Variants in DGKI observed in about 807,000 individuals in gnomAD.
DGKI encodes the protein diacylglycerol kinase iota.
A neutral mutation model predicts 147.5 loss-of-function variants in DGKI; 55 were observed. The observed-to-expected ratio is 0.37, with a 90% confidence interval of 0.30 to 0.47. DGKI has a LOEUF of 0.47. Among genes scored for constraint, DGKI ranks in the 20% least tolerant of loss-of-function variants. DGKI has a pLI of 1.00. For synonymous variants in DGKI, 469 were observed against 477.1 expected (o/e 0.98, Z 0.22); for missense variants, 1,007 against 1,323.8 (o/e 0.76, Z 3.71).
Position 137,576,803 on chromosome 7 carries a change from A to C in DGKI, c.1761+419T>G, listed in dbSNP as rs574875594. On this transcript the variant is annotated intron_variant, in intron 17 of 32. Transcript: ENST00000614521. ...TATCCTCCTCAGATTATCCTGGAATAAAGATACTTGTTTGGAGAGTACCGA... is the reference window on the plus strand; with the variant it reads ...TATCCTCCTCAGATTATCCTGGAATCAAGATACTTGTTTGGAGAGTACCGA... Among the ~76,000 whole-genome samples, 380 of 152,340 alleles carry C rather than the reference A, an allele frequency of 2.5e-3. 1 individual carries two copies. The highest frequency in any genetic ancestry group is 8.9e-3 in the African/African-American group (368 of 41,580).
At chr7:137,474,229 C>T (rs570381730) in intron 23 of DGKI, among the ~76,000 whole-genome samples, 26 of 152,234 alleles carry the variant, frequency 1.7e-4, no homozygotes, top group African/African-American at 5.8e-4. Context: ...ACAAAAGCAT[C>T]AAGTCTCAAA....
chr7:137,635,914 G>A (rs962986466), intron 6 of DGKI, among the ~76,000 whole-genome samples: 2 of 152,138 alleles, frequency 1.3e-5, no homozygotes, highest in African/African-American at 4.8e-5. Context: ...ATCCCATGAC[G>A]GTGAATTTCT....
chr7:137,670,791 C>G, intron 3 of DGKI, among the ~76,000 whole-genome samples: 1 of 152,310 alleles, frequency 6.6e-6, no homozygotes, highest in East Asian at 1.9e-4. Context: ...GCACCCAGCT[C>G]AGCCAAACTG....
At chr7:137,531,947 C>G (rs1280254440) in intron 20 of DGKI, among the ~76,000 whole-genome samples, 1 of 151,938 alleles carries the variant, frequency 6.6e-6, no homozygotes, top group Non-Finnish European at 1.5e-5. Context: ...ATTTGAGTGT[C>G]TATGTGTAAC....
In DGKI at chr7:137,385,586, C is replaced by A. The variant is rs1473357179; in HGVS notation, c.*5634G>T. On this transcript the variant is annotated 3_prime_UTR_variant, in exon 33 of 33. Coordinates refer to ENST00000614521, the MANE Select transcript of DGKI (RefSeq NM_001321708.2). ...CTTCTTTATATTTAGTCAAAACCCACTGAAAACTCTGCTTATTTTTCCTAG... is the reference window on the plus strand; with the variant it reads ...CTTCTTTATATTTAGTCAAAACCCAATGAAAACTCTGCTTATTTTTCCTAG... The A allele has an allele frequency of 6.6e-6, 1 of 152,114 alleles. No homozygotes were observed. The highest frequency in any genetic ancestry group is 1.5e-5 in the Non-Finnish European group (1 of 68,002). The allele number at this position is 152,114 out of a possible 1,614,324, so 9.4% of individuals were successfully genotyped here. A position where few individuals can be genotyped will look rare whatever the true frequency, so the allele number is the denominator to read the frequency against.
intron 19 of DGKI, among the ~76,000 whole-genome samples, chr7:137,570,364 G>A (rs1818750849): frequency 6.6e-6 from 1 of 152,024 alleles, no homozygotes; most frequent in Non-Finnish European, 1.5e-5. Context: ...AAAATACAAG[G>A]TGATCTCAAT....
chr7:137,628,826 ACTT>A (rs1290371722), intron 6 of DGKI, among the ~76,000 whole-genome samples: 3 of 152,108 alleles, frequency 2.0e-5, no homozygotes, highest in Non-Finnish European at 2.9e-5. Flanking sequence ...TTGCCTTCTG[ACTT>A]CTTCTGTCAT....
chr7:137,704,574 G>C (rs1200623245), intron 1 of DGKI, among the ~76,000 whole-genome samples: 1 of 152,148 alleles, frequency 6.6e-6, no homozygotes, highest in Non-Finnish European at 1.5e-5. Context: ...GAAGAAAAAG[G>C]AAGAGAAAAG....
chr7:137,536,154 A>G (rs1050199813), intron 20 of DGKI, among the ~76,000 whole-genome samples: 6 of 152,188 alleles, frequency 3.9e-5, no homozygotes, highest in Non-Finnish European at 8.8e-5. Flanking sequence ...TGCACACACA[A>G]GAAAATGACC....
At chr7:137,761,293 G>T (rs898549818) in intron 1 of DGKI, among the ~76,000 whole-genome samples, 2 of 152,090 alleles carry the variant, frequency 1.3e-5, no homozygotes, top group African/African-American at 4.8e-5. Flanking sequence ...ACAGGACTTC[G>T]GCATCCTTTC....
Position 137,525,187 on chromosome 7 carries a change from G to A in DGKI, c.2148-3221C>T, listed in dbSNP as rs577414362. Among the ~76,000 whole-genome samples, 14 of 152,232 alleles carry A rather than the reference G, an allele frequency of 9.2e-5. No homozygotes were observed. In the South Asian group the frequency reaches 2.9e-3, roughly 32 times the overall value. Reference sequence around the variant, plus strand: ...GTTCATCTCCAGAATGATCAGCTAAGCAAGACAGAAGAAATCAGACTCTAA... The same window carrying A: ...GTTCATCTCCAGAATGATCAGCTAAACAAGACAGAAGAAATCAGACTCTAA... On this transcript the variant is annotated intron_variant, in intron 20 of 32. Coordinates refer to ENST00000614521, the MANE Select transcript of DGKI (RefSeq NM_001321708.2).
At chr7:137,671,221 A>T (rs1422047367) in intron 3 of DGKI, among the ~76,000 whole-genome samples, 1 of 152,226 alleles carries the variant, frequency 6.6e-6, no homozygotes, top group Non-Finnish European at 1.5e-5. Context: ...CATGACCAGC[A>T]TTCCTGTGAG....
At chr7:137,405,102 T>C (rs1427719599) in intron 30 of DGKI, among the ~76,000 whole-genome samples, 1 of 152,028 alleles carries the variant, frequency 6.6e-6, no homozygotes, top group Admixed American at 6.5e-5. Context: ...CCAGGACTCA[T>C]CATTCATGTC....
chr7:137,394,989 G>C (rs1811495755), intron 32 of DGKI, among the ~76,000 whole-genome samples: 2 of 152,128 alleles, frequency 1.3e-5, no homozygotes, highest in South Asian at 4.1e-4. Flanking sequence ...ACCTATAAAT[G>C]ACAGTAATTC....
chr7:137,811,384 TCACACACACACA>T (rs55647700), intron 1 of DGKI, among the ~76,000 whole-genome samples: 16 of 132,200 alleles, frequency 1.2e-4, no homozygotes, highest in African/African-American at 2.7e-4. Flanking sequence ...TCTCTCTCTC[TCACACACACACA>T]CACACACACA....
At chr7:137,803,657 A>G (rs1797279644) in intron 1 of DGKI, among the ~76,000 whole-genome samples, 1 of 152,210 alleles carries the variant, frequency 6.6e-6, no homozygotes, top group African/African-American at 2.4e-5. Context: ...CCTGAGCACA[A>G]TGTTTTCCTC....
At chr7:137,515,034 A>G (rs561901092) in intron 21 of DGKI, among the ~76,000 whole-genome samples, 2 of 152,282 alleles carry the variant, frequency 1.3e-5, no homozygotes, top group South Asian at 2.1e-4. Context: ...TCTCCATTCA[A>G]CTAAGCAGGT....
At chr7:137,551,791 C>A (rs1818053662) in intron 20 of DGKI, among the ~76,000 whole-genome samples, 1 of 152,050 alleles carries the variant, frequency 6.6e-6, no homozygotes, top group Non-Finnish European at 1.5e-5. Context: ...GTGGGTCAGG[C>A]TATGTCTGGA....
rs1585509460 is a variant in DGKI at position 137,800,932 on chromosome 7, A to G, written c.401+45530T>C. ...GTAGCTAAATAATCCACCATTCTGT[A>G]GAATAAGAATTTTGTAGAATTTGAA... On this transcript the variant is annotated intron_variant, in intron 1 of 32. Coordinates refer to ENST00000614521, the MANE Select transcript of DGKI (RefSeq NM_001321708.2). 2.6e-5 allele frequency among the ~76,000 whole-genome samples: 4 copies of G among 152,342 alleles called. No individual in the cohort carries two copies. The South Asian group carries it at 8.3e-4, about 32-fold the overall frequency.
Sources: gnomAD v4.1 joint callset for allele counts (sites outside exome capture counted in the v4.1 genomes callset) on GRCh38, gnomAD v4.1.1 for gene constraint, MANE v1.5 for transcripts, NCBI Gene and HGNC (gene_info 2026-07-23, HGNC 2026-07-21) for gene names.